Variants in SPATA6 observed in about 807,000 individuals in gnomAD.
The protein encoded by SPATA6 is spermatogenesis associated 6.
SPATA6 carries 56 observed loss-of-function variants against 65.3 expected under a neutral mutation model. The ratio of observed to expected loss-of-function variants is 0.86; its 90% confidence interval spans 0.69 to 1.07. The LOEUF is 1.07. Ranked by LOEUF, SPATA6 falls within the 50% of genes least tolerant of loss-of-function variation. The probability of loss-of-function intolerance (pLI) is 0.00; values close to 1 mark genes in which losing one functional copy is unlikely to be tolerated. For synonymous variants in SPATA6, 199 were observed against 213.2 expected, an observed-to-expected ratio of 0.93 and a Z score of 0.58; for missense variants, 590 against 594.8, an observed-to-expected ratio of 0.99 and a Z score of 0.08.
At chr1:48,283,797 T>C in the SPATA6 span, among the ~76,000 whole-genome samples, 2 of 152,078 alleles carry the variant, frequency 1.3e-5, no homozygotes, top group South Asian at 4.1e-4. Flanking sequence ...CAGAGAATTC[T>C]ACTGTTATTC....
intron 9 of SPATA6, among the ~76,000 whole-genome samples, chr1:48,366,238 T>A (rs975829004): frequency 2.6e-5 from 4 of 152,188 alleles, no homozygotes; most frequent in Non-Finnish European, 4.4e-5. Flanking sequence ...TCATCAAGGA[T>A]ATTGGTCTAA....
chr1:48,265,479 T>G, the SPATA6 span, among the ~76,000 whole-genome samples: 1 of 151,920 alleles, frequency 6.6e-6, no homozygotes, highest in Non-Finnish European at 1.5e-5. Flanking sequence ...AGCCAAGCAT[T>G]ATGTTTCTTG....
At chr1:48,403,694 C>A in intron 6 of SPATA6, 108 bp downstream of exon 6, 2 of 808,164 alleles carry the variant, frequency 2.5e-6, no homozygotes, top group Non-Finnish European at 3.8e-6. Flanking sequence ...AAATTGACCC[C>A]CCAAAAAGTG....
At chr1:48,278,383 C>T in the SPATA6 span, among the ~76,000 whole-genome samples, 39 of 152,252 alleles carry the variant, frequency 2.6e-4, no homozygotes, top group East Asian at 5.8e-4. Flanking sequence ...CAAACTACTC[C>T]GAGCTACAGG....
At chr1:48,400,915 G>T in intron 6 of SPATA6, 1 of 907,184 alleles carries the variant, frequency 1.1e-6, no homozygotes, top group Non-Finnish European at 1.4e-6. Flanking sequence ...TGACATCACA[G>T]ACTTACAGAA....
At chr1:48,332,572 T>A (rs1313793388) in intron 11 of SPATA6, among the ~76,000 whole-genome samples, 2 of 152,192 alleles carry the variant, frequency 1.3e-5, no homozygotes, top group African/African-American at 4.8e-5. Flanking sequence ...CCCAGATTCA[T>A]AAAGCAAATA....
intron 1 of SPATA6, among the ~76,000 whole-genome samples, chr1:48,460,712 G>A (rs1415123763): frequency 8.0e-6 from 1 of 125,318 alleles, no homozygotes; most frequent in Non-Finnish European, 2.0e-5. Flanking sequence ...AAATTTCACA[G>A]TCACAAAATA....
chr1:48,306,528 C>T (rs1645066264), intron 11 of SPATA6, among the ~76,000 whole-genome samples: 1 of 151,886 alleles, frequency 6.6e-6, no homozygotes, highest in Non-Finnish European at 1.5e-5. Flanking sequence ...CAGTTAAATT[C>T]ATATGTGTGG....
At chr1:48,342,837 AAGC>A (rs1378107621) in intron 11 of SPATA6, among the ~76,000 whole-genome samples, 2 of 152,110 alleles carry the variant, frequency 1.3e-5, no homozygotes, top group Non-Finnish European at 2.9e-5. Context: ...TTTAGAATAA[AAGC>A]AGACTATTCT....
chr1:48,460,889 TAA>T (rs1381312058), intron 1 of SPATA6, among the ~76,000 whole-genome samples: 8 of 151,708 alleles, frequency 5.3e-5, no homozygotes, highest in Non-Finnish European at 7.4e-5. Context: ...CTAAAAACAA[TAA>T]GTTTTTTTTT....
chr1:48,342,755 T>C (rs1450445605), intron 11 of SPATA6, among the ~76,000 whole-genome samples: 1 of 152,166 alleles, frequency 6.6e-6, no homozygotes, highest in Non-Finnish European at 1.5e-5. Flanking sequence ...AGGGTGCTAG[T>C]AATGTCAAGT....
chr1:48,319,900 C>T (rs1240710115), intron 11 of SPATA6, among the ~76,000 whole-genome samples: 6 of 152,168 alleles, frequency 3.9e-5, no homozygotes, highest in Admixed American at 2.0e-4. Context: ...ATACCACATC[C>T]ACAGTATGGA....
At chr1:48,325,858 T>C in intron 11 of SPATA6, 1 of 374,884 alleles carries the variant, frequency 2.7e-6, no homozygotes, top group Non-Finnish European at 5.4e-6. Flanking sequence ...GTGTGTACTG[T>C]TGAGATCTAT....
At chr1:48,315,698 G>C (rs1395125519) in intron 11 of SPATA6, among the ~76,000 whole-genome samples, 1 of 152,158 alleles carries the variant, frequency 6.6e-6, no homozygotes, top group Non-Finnish European at 1.5e-5. Context: ...ACGGCAATGA[G>C]GCAGGAGAAG....
chr1:48,441,528 T>TAC (rs1292095898), intron 3 of SPATA6, among the ~76,000 whole-genome samples: 3 of 152,170 alleles, frequency 2.0e-5, no homozygotes, highest in Non-Finnish European at 4.4e-5. Context: ...GGAAACAAGT[T>TAC]ACCCATTTGT....
At chr1:48,322,128 T>C (rs1250585183) in intron 11 of SPATA6, among the ~76,000 whole-genome samples, 4 of 151,648 alleles carry the variant, frequency 2.6e-5, no homozygotes, top group African/African-American at 9.7e-5. Context: ...CTTAAAGAAC[T>C]AGAAAGGCAA....
At chr1:48,317,607 A>G (rs968561935) in intron 11 of SPATA6, among the ~76,000 whole-genome samples, 1 of 152,138 alleles carries the variant, frequency 6.6e-6, no homozygotes, top group Non-Finnish European at 1.5e-5. Flanking sequence ...CAGCACACCA[A>G]CATAGCACAT....
intron 9 of SPATA6, among the ~76,000 whole-genome samples, chr1:48,366,313 T>G (rs1275246563): frequency 6.6e-6 from 1 of 152,174 alleles, no homozygotes; most frequent in Non-Finnish European, 1.5e-5. Context: ...CCTCATAAAA[T>G]GAGTTAGGGA....
intron 9 of SPATA6, among the ~76,000 whole-genome samples, chr1:48,372,196 G>A (rs1056403025): frequency 6.6e-6 from 1 of 152,124 alleles, no homozygotes; most frequent in Non-Finnish European, 1.5e-5. Context: ...GACAAGGCAA[G>A]TCCCTTCTGC....
Sources: gnomAD v4.1 joint callset for allele counts (sites outside exome capture counted in the v4.1 genomes callset) on GRCh38, gnomAD v4.1.1 for gene constraint, MANE v1.5 for transcripts, NCBI Gene and HGNC (gene_info 2026-07-23, HGNC 2026-07-21) for gene names.